Variants in CNOT4 observed in about 807,000 individuals in gnomAD.
The protein encoded by CNOT4 is CCR4-associated factor 4.
A neutral mutation model predicts 73.8 loss-of-function variants in CNOT4; 8 were observed. The observed-to-expected ratio is 0.11, with a 90% CI of 0.06 to 0.20. The LOEUF (loss-of-function observed/expected upper bound fraction) is 0.20, where lower values mean the gene tolerates loss of function less well. Ranked by LOEUF, CNOT4 falls within the 10% of genes least tolerant of loss-of-function variation. The pLI, the probability that CNOT4 is intolerant of heterozygous loss-of-function variation, is 1.00. For missense variants in CNOT4, 564 were observed against 883.4 expected (o/e 0.64, Z 4.58); for synonymous variants, 293 against 321.1 (o/e 0.91, Z 0.94).
intron 1 of CNOT4, among the ~76,000 whole-genome samples, chr7:135,476,645 C>T (rs1298122815): frequency 6.6e-6 from 1 of 152,132 alleles, no homozygotes; most frequent in Non-Finnish European, 1.5e-5. Flanking sequence ...CACTGCACTC[C>T]AGCCTGAGCA....
chr7:135,397,947 G>A (rs184040169), intron 8 of CNOT4, among the ~76,000 whole-genome samples: 193 of 152,146 alleles, frequency 1.3e-3, no homozygotes, highest in Non-Finnish European at 1.6e-3. Flanking sequence ...AAAGATAATA[G>A]TATCTGGTCA....
chr7:135,504,018 G>C (rs1255291950), intron 1 of CNOT4, among the ~76,000 whole-genome samples: 1 of 152,088 alleles, frequency 6.6e-6, no homozygotes, highest in Non-Finnish European at 1.5e-5. Flanking sequence ...TGTTATTTTA[G>C]AAAATTCACA....
intron 8 of CNOT4, 132 bp from the exon 9 acceptor site, chr7:135,396,015 C>G: frequency 1.6e-6 from 1 of 606,784 alleles, no homozygotes; most frequent in Non-Finnish European, 2.9e-6. Flanking sequence ...TTAATGAAAG[C>G]ATGAAGTTTC....
intron 9 of CNOT4, among the ~76,000 whole-genome samples, chr7:135,395,363 GA>G (rs962360837): frequency 2.0e-5 from 3 of 148,124 alleles, no homozygotes; most frequent in Non-Finnish European, 3.0e-5. Flanking sequence ...AAGTAAAAAT[GA>G]AAAAAAAAAT....
intron 1 of CNOT4, among the ~76,000 whole-genome samples, chr7:135,502,275 T>C (rs897507910): frequency 2.0e-5 from 3 of 152,218 alleles, no homozygotes; most frequent in African/African-American, 4.8e-5. Flanking sequence ...TGCTAGCCTA[T>C]ACAAACAGTA....
chr7:135,393,612 C>T (rs1248706697), intron 10 of CNOT4, among the ~76,000 whole-genome samples: 2 of 152,116 alleles, frequency 1.3e-5, no homozygotes, highest in Admixed American at 1.3e-4. Context: ...AGTACCATAA[C>T]TTCAGAGACC....
At chr7:135,411,841 C>T (rs1039335569) in intron 6 of CNOT4, among the ~76,000 whole-genome samples, 1 of 151,870 alleles carries the variant, frequency 6.6e-6, no homozygotes, top group Admixed American at 6.6e-5. Flanking sequence ...TTCTGAGAGG[C>T]CACTTGCTTG....
chr7:135,362,908 T>A lies in CNOT4; in HGVS notation c.2119A>T (p.Ser707Cys). Residue 707 changes from serine (S) to cysteine (C), a missense_variant, in exon 12 of 12, where the codon AGT (serine) becomes TGT (cysteine). This residue lies in a region of CNOT4 where 88 missense variants were observed against 94.7 expected (regional missense o/e 0.93). Transcript: ENST00000541284. ...GCCTAATGGCGGTCCAGTGTTGAAC[T>A]CTGTAGTAAATCTGTGGGGGTTTTG... ...PSKTPTDLLQSSTLDRH is the reference protein window; with the variant it reads ...PSKTPTDLLQCSTLDRH 1 of 1,613,220 alleles carries A rather than the reference T, an allele frequency of 6.2e-7. No individual in the cohort carries two copies. Among genetic ancestry groups the A allele is most frequent in the Non-Finnish European group, 8.5e-7 (1 of 1,179,764 alleles).
At position 135,362,572 on chromosome 7, in the gene CNOT4, C is replaced by T. The variant is rs772562317; in HGVS notation, c.*313G>A. On this transcript the variant is annotated 3_prime_UTR_variant, in exon 12 of 12. Transcript: ENST00000541284. ...CTAAGCAGATTATGTCATTATTATG[C>T]GCAACAGACAAACAATAATTTTCTA... 105 of 467,102 alleles carry T rather than the reference C, an allele frequency of 2.2e-4. 1 individual carries two copies. The highest frequency in any genetic ancestry group is 1.2e-3 in the South Asian group (56 of 47,142). The allele number at this position is 467,102 out of a possible 1,614,324, so 28.9% of individuals were successfully genotyped here.
At chr7:135,508,620 T>A (rs1804530594) in intron 1 of CNOT4, among the ~76,000 whole-genome samples, 1 of 152,050 alleles carries the variant, frequency 6.6e-6, no homozygotes, top group African/African-American at 2.4e-5. Context: ...AAGAAGAAAA[T>A]CTGATATTAA....
intron 10 of CNOT4, among the ~76,000 whole-genome samples, chr7:135,369,867 T>G (rs1205951165): frequency 6.6e-6 from 1 of 152,184 alleles, no homozygotes; most frequent in Admixed American, 6.5e-5. Context: ...TCTAAGTGAC[T>G]CAAATACAAA....
intron 7 of CNOT4, among the ~76,000 whole-genome samples, chr7:135,408,480 C>T (rs1313694479): frequency 6.6e-6 from 1 of 152,232 alleles, no homozygotes; most frequent in East Asian, 1.9e-4. Flanking sequence ...AGAAAATACA[C>T]TAACACTTTA....
chr7:135,405,291 A>C (rs1797217479), intron 7 of CNOT4, among the ~76,000 whole-genome samples: 1 of 152,166 alleles, frequency 6.6e-6, no homozygotes, highest in Admixed American at 6.5e-5. Flanking sequence ...AAAGCCGAAC[A>C]TCTCCATTTC....
At position 135,377,875 on chromosome 7, in the gene CNOT4, C is replaced by T. The variant is rs1795606860; in HGVS notation, c.1628-13809G>A. 2.0e-5 allele frequency among the ~76,000 whole-genome samples: 3 copies of T among 152,056 alleles called. No individual in the cohort carries two copies. In the South Asian group the frequency reaches 6.2e-4, roughly 32 times the overall value. On this transcript the variant is annotated intron_variant, in intron 10 of 11. Coordinates refer to ENST00000541284, the MANE Select transcript of CNOT4 (RefSeq NM_001190850.2). ...AAAAGAAGGAAGGCAAAAAAGAAGA[C>T]TAGATGAAAATATTTTCAAATACAA... is the stretch of plus-strand genomic sequence containing the variant.
intron 6 of CNOT4, among the ~76,000 whole-genome samples, chr7:135,411,795 T>C (rs750413035): frequency 2.0e-5 from 3 of 151,962 alleles, no homozygotes; most frequent in South Asian, 2.1e-4. Context: ...CTGAGCATAA[T>C]TGTGTCATAT....
intron 1 of CNOT4, among the ~76,000 whole-genome samples, chr7:135,497,132 G>T (rs914215989): frequency 1.3e-5 from 2 of 151,908 alleles, no homozygotes; most frequent in African/African-American, 4.8e-5. Flanking sequence ...ATAGGGTCAG[G>T]CATGGTGGCT....
chr7:135,453,357 A>T (rs1450167980), intron 1 of CNOT4, among the ~76,000 whole-genome samples: 2 of 152,036 alleles, frequency 1.3e-5, no homozygotes, highest in Non-Finnish European at 2.9e-5. Flanking sequence ...TCAGCTAGTC[A>T]CTTACATTCT....
intron 1 of CNOT4, among the ~76,000 whole-genome samples, chr7:135,469,759 G>A (rs527994696): frequency 1.3e-5 from 2 of 152,074 alleles, no homozygotes; most frequent in South Asian, 4.2e-4. Context: ...ATCCACAAAA[G>A]GGCTTATACA....
intron 3 of CNOT4, among the ~76,000 whole-genome samples, chr7:135,420,857 G>C (rs1215259628): frequency 4.6e-5 from 7 of 151,986 alleles, no homozygotes; most frequent in Non-Finnish European, 1.5e-5. Context: ...GGGAGAACTG[G>C]CTACAGAAGG....
Sources: gnomAD v4.1 joint callset for allele counts (sites outside exome capture counted in the v4.1 genomes callset) on GRCh38, gnomAD v4.1.1 for gene constraint, gnomAD v4.1.1 regional missense constraint, MANE v1.5 for transcripts, NCBI Gene and HGNC (gene_info 2026-07-23, HGNC 2026-07-21) for gene names.